Variants in PAX2 observed in about 807,000 individuals in gnomAD.
The protein encoded by PAX2 is paired box 2.
A neutral mutation model predicts 41.7 loss-of-function variants in PAX2; 9 were observed. That is an observed-to-expected ratio of 0.22 (90% CI 0.13 to 0.38). PAX2 has a LOEUF of 0.38. PAX2 is among the 10% of genes least tolerant of loss of function. The pLI is 1.00. For missense variants in PAX2, 418 were observed against 531.6 expected (o/e 0.79, Z 2.10); for synonymous variants, 221 against 212.7 (o/e 1.04, Z -0.34).
At chr10:100,747,302 A>G (rs1564704325) in intron 1 of PAX2, 3 of 152,306 alleles carry the variant, frequency 2.0e-5, no homozygotes, top group Non-Finnish European at 4.4e-5. Flanking sequence ...GCTGAGGAGA[A>G]AGGAAAAGAG....
intron 5 of PAX2, chr10:100,786,896 TG>T: frequency 8.4e-7 from 1 of 1,194,612 alleles, no homozygotes; most frequent in South Asian, 1.2e-5. Flanking sequence ...TCTGCCTGCC[TG>T]TCTTTCGGGA....
rs1304192662 is a variant in PAX2 at position 100,781,295 on chromosome 10, G to A, written c.546G>A (p.Val182=). The change falls in exon 5 of 10, where the codon GTG becomes GTA. Residue 182 remains valine (V), a synonymous_variant. Coordinates refer to ENST00000355243, the MANE Select transcript of PAX2 (RefSeq NM_000278.5). ...TTTCCAGCGCCTCCAATGACCCAGT[G>A]GGATCCTACTCCATCAATGGGATCC... The part of the protein sequence containing the change: ...PPVSSASNDP[V]GSYSINGILG... 1 of 1,612,826 alleles carries A rather than the reference G, an allele frequency of 6.2e-7. No homozygotes were observed. The highest frequency in any genetic ancestry group is 8.5e-7 in the Non-Finnish European group (1 of 1,178,840).
chr10:100,808,049 T>C (rs1847856618), intron 6 of PAX2, among the ~76,000 whole-genome samples: 1 of 152,178 alleles, frequency 6.6e-6, no homozygotes, highest in South Asian at 2.1e-4. Flanking sequence ...TTACAATGAA[T>C]AACCTTTATT....
intron 7 of PAX2, among the ~76,000 whole-genome samples, chr10:100,820,034 C>A (rs1400729404): frequency 6.6e-6 from 1 of 152,208 alleles, no homozygotes; most frequent in Non-Finnish European, 1.5e-5. Context: ...CTTCTGGGGA[C>A]TTTAAGATTC....
chr10:100,786,224 C>T (rs762612723), intron 5 of PAX2, among the ~76,000 whole-genome samples: 76 of 152,220 alleles, frequency 5.0e-4, no homozygotes, highest in Admixed American at 1.9e-3. Flanking sequence ...GGAAAGCTGT[C>T]GTCCTCACAC....
chr10:100,783,539 C>T (rs902621581), intron 5 of PAX2, among the ~76,000 whole-genome samples: 3 of 152,126 alleles, frequency 2.0e-5, no homozygotes, highest in African/African-American at 7.2e-5. Context: ...TGGCCAGCCA[C>T]TGCAGGGCAG....
chr10:100,801,422 G>A (rs1018816352), intron 5 of PAX2, among the ~76,000 whole-genome samples: 1 of 152,200 alleles, frequency 6.6e-6, no homozygotes, highest in African/African-American at 2.4e-5. Flanking sequence ...TGACTCAGCA[G>A]TTTGTTTAAT....
chr10:100,770,245 G>A (rs1846166116), intron 3 of PAX2, among the ~76,000 whole-genome samples: 1 of 152,112 alleles, frequency 6.6e-6, no homozygotes. Flanking sequence ...GGTGCAGAGT[G>A]GGAGACTTTA....
rs779544089 is a variant in PAX2, at chr10:100,750,712, C to T, written c.231C>T (p.Ser77=). The change falls in exon 3 of 10, where the codon AGC becomes AGT. Residue 77 remains serine, a synonymous_variant. Transcript: ENST00000355243. This position sits in a 1 kb window ranked among gnomAD's most constrained non-coding sequence, Gnocchi z 4.1. ...GGCGCAGGTACTACGAGACCGGCAG[C>T]ATCAAGCCGGGTGTGATCGGTGGCT... The part of the protein sequence containing the change: ...KILGRYYETG[S]IKPGVIGGSK... 1 of 1,614,164 alleles carries T rather than the reference C, an allele frequency of 6.2e-7. No homozygotes were observed. The highest frequency in any genetic ancestry group is 1.1e-5 in the South Asian group (1 of 91,080).
chr10:100,813,172 G>T (rs1848056670), intron 7 of PAX2, among the ~76,000 whole-genome samples: 1 of 152,232 alleles, frequency 6.6e-6, no homozygotes, highest in Admixed American at 6.5e-5. Flanking sequence ...GAAAGCACCA[G>T]TCCCTGGAGC....
At chr10:100,821,193 A>G (rs993426685) in intron 7 of PAX2, among the ~76,000 whole-genome samples, 1 of 152,218 alleles carries the variant, frequency 6.6e-6, no homozygotes, top group Non-Finnish European at 1.5e-5. Flanking sequence ...GTTTTCCATT[A>G]TTGACAATGG....
At chr10:100,825,720 A>G (rs766249224) in intron 8 of PAX2, among the ~76,000 whole-genome samples, 3 of 152,190 alleles carry the variant, frequency 2.0e-5, no homozygotes, top group Non-Finnish European at 4.4e-5. Flanking sequence ...ACATTTAGGT[A>G]TAACCCTGGG....
intron 3 of PAX2, among the ~76,000 whole-genome samples, chr10:100,778,768 A>G (rs767316738): frequency 6.6e-6 from 1 of 152,160 alleles, no homozygotes; most frequent in Admixed American, 6.5e-5. Flanking sequence ...AGACCTTTCA[A>G]CCAGGCTGGC....
chr10:100,746,088 C>T lies in PAX2; in HGVS notation c.-173C>T. On this transcript the variant is annotated 5_prime_UTR_variant, in exon 1 of 10. Transcript: ENST00000355243. ...CAAGCTCCGGCCAACCCGGAGGAGC[C>T]CCAGCGGGGAGCGCAGTGCTGCGCC... 6.6e-7 allele frequency: 1 copy of T among 1,514,542 alleles called. No homozygotes were observed. The allele number at this position is 1,514,542 out of a possible 1,614,324, so 93.8% of individuals were successfully genotyped here. A position where few individuals can be genotyped will look rare whatever the true frequency, so the allele number is the denominator to read the frequency against.
intron 5 of PAX2, among the ~76,000 whole-genome samples, chr10:100,799,866 C>A (rs1847484660): frequency 6.7e-6 from 1 of 148,794 alleles, no homozygotes; most frequent in Non-Finnish European, 1.5e-5. Context: ...CTCACTGCAA[C>A]CTCCGCCTCC....
intron 5 of PAX2, among the ~76,000 whole-genome samples, chr10:100,796,216 T>A (rs763818277): frequency 6.6e-5 from 10 of 152,260 alleles, no homozygotes; most frequent in Non-Finnish European, 1.3e-4. Flanking sequence ...CACCAGGAGA[T>A]AACCACTGTT....
intron 5 of PAX2, among the ~76,000 whole-genome samples, chr10:100,799,536 A>C (rs1345144564): frequency 1.3e-5 from 2 of 152,204 alleles, no homozygotes; most frequent in Non-Finnish European, 2.9e-5. Context: ...AACATGGTAG[A>C]GTGGAGAGAG....
chr10:100,824,791 A>G lies in PAX2; in HGVS notation c.1021+42A>G. On this transcript the variant is annotated intron_variant, in intron 8 of 9. Coordinates refer to ENST00000355243, the MANE Select transcript of PAX2 (RefSeq NM_000278.5). The surrounding 1 kb of genome is among the most constrained non-coding windows in gnomAD (Gnocchi z 6.6). The stretch of plus-strand genomic sequence containing the variant: ...CAGCTGCCTAATCTAGGTGGGGGGA[A>G]CTAAATTGTGGGTGAGCTGCTGAAT... The G allele has an allele frequency of 1.3e-6, 2 of 1,510,990 alleles. No individual in the cohort carries two copies. Among genetic ancestry groups the G allele is most frequent in the Non-Finnish European group, 1.8e-6 (2 of 1,086,100 alleles). The allele number at this position is 1,510,990 out of a possible 1,614,324, so 93.6% of individuals were successfully genotyped here. A position where few individuals can be genotyped will look rare whatever the true frequency, so the allele number is the denominator to read the frequency against.
rs547870352 is a variant in PAX2, at chr10:100,791,657, C to G, written c.616+10292C>G. On this transcript the variant is annotated intron_variant, in intron 5 of 9. Coordinates refer to ENST00000355243, the MANE Select transcript of PAX2 (RefSeq NM_000278.5). The surrounding 1 kb of genome is among the most constrained non-coding windows in gnomAD (Gnocchi z 4.5). ...GAGATGCGCGGACACACTCACACAC[C>G]CTTGCTGGCTCACACAGATCTCCCT... Among the ~76,000 whole-genome samples, 282 of 152,302 alleles carry G rather than the reference C, an allele frequency of 1.9e-3. 1 individual carries two copies. The highest frequency in any genetic ancestry group is 6.6e-3 in the African/African-American group (273 of 41,562).
Sources: gnomAD v4.1 joint callset for allele counts (sites outside exome capture counted in the v4.1 genomes callset) on GRCh38, gnomAD v4.1.1 for gene constraint, Gnocchi (gnomAD v3.1) non-coding constraint, MANE v1.5 for transcripts, NCBI Gene and HGNC (gene_info 2026-07-23, HGNC 2026-07-21) for gene names.